Variants in CEP85L observed in about 807,000 individuals in gnomAD.
The protein encoded by CEP85L is centrosomal protein of 85 kDa-like.
In CEP85L, 60 loss-of-function variants were observed where a neutral mutation model predicts 100.3. The ratio of observed to expected loss-of-function variants is 0.60; its 90% CI spans 0.49 to 0.74. The LOEUF is 0.74. Among genes scored for constraint, CEP85L ranks in the 30% least tolerant of loss-of-function variants. CEP85L has a pLI of 0.00. For missense variants in CEP85L, 973 were observed against 936.2 expected, an observed-to-expected ratio of 1.04 and a Z score of -0.51; for synonymous variants, 319 against 322.7, an observed-to-expected ratio of 0.99 and a Z score of 0.12.
chr6:118,571,721 G>A (rs549796355), intron 2 of CEP85L, among the ~76,000 whole-genome samples: 1 of 152,094 alleles, frequency 6.6e-6, no homozygotes, highest in African/African-American at 2.4e-5. Flanking sequence ...AAAATAATCA[G>A]TAAACTATAT....
At chr6:118,634,657 A>T (rs1415571229) in intron 1 of CEP85L, among the ~76,000 whole-genome samples, 2 of 146,782 alleles carry the variant, frequency 1.4e-5, no homozygotes, top group African/African-American at 4.9e-5. Flanking sequence ...ACATTAAAGC[A>T]CCAGAAGAAG....
rs1562297733 is a variant in CEP85L, at chr6:118,600,300, G to GGGGTGT, written c.232+32152_232+32153insACACCC. 3.8e-4 allele frequency among the ~76,000 whole-genome samples: 20 copies of GGGGTGT among 52,234 alleles called. 1 individual carries two copies. Among genetic ancestry groups the GGGGTGT allele is most frequent in the Non-Finnish European group, 5.6e-4 (14 of 24,782 alleles). 34.3% of individuals were successfully genotyped at this position (52,234 alleles called of 152,430 possible). On this transcript the variant is annotated intron_variant, in intron 2 of 12. Transcript: ENST00000368491. ...CTGCCTGTCCCTGAGCCTTCCTGGG[G>GGGGTGT]GTGTGTGTGTGTGTGTGTGTGTGTG...
intron 1 of CEP85L, among the ~76,000 whole-genome samples, chr6:118,665,040 C>G (rs1333884040): frequency 2.0e-5 from 3 of 152,138 alleles, no homozygotes; most frequent in Non-Finnish European, 4.4e-5. Flanking sequence ...GAAACGTAGC[C>G]CTAGTACTCC....
chr6:118,501,288 C>G (rs537535740), intron 5 of CEP85L: 36 of 368,336 alleles, frequency 9.8e-5, no homozygotes, highest in African/African-American at 7.4e-4. Flanking sequence ...GGTGCCACTT[C>G]TGGTCCAGGC....
chr6:118,677,267 G>C (rs1391631775), intron 1 of CEP85L, among the ~76,000 whole-genome samples: 1 of 152,130 alleles, frequency 6.6e-6, no homozygotes, highest in African/African-American at 2.4e-5. Flanking sequence ...AGAAAGTAAG[G>C]CAAGAAAGCT....
chr6:118,597,014 G>C (rs1030895575), intron 2 of CEP85L, among the ~76,000 whole-genome samples: 1 of 151,938 alleles, frequency 6.6e-6, no homozygotes, highest in African/African-American at 2.4e-5. Flanking sequence ...TCATGATAGC[G>C]AGAGAGTTCT....
At chr6:118,703,454 C>A (rs1227691973) in intron 1 of CEP85L, among the ~76,000 whole-genome samples, 2 of 152,238 alleles carry the variant, frequency 1.3e-5, no homozygotes, top group African/African-American at 4.8e-5. Context: ...GAGCCTCCCA[C>A]CCAGCCTCCC....
Position 118,611,621 on chromosome 6 carries a change from C to T in CEP85L, c.232+20832G>A, listed in dbSNP as rs192818661. ...CTATGCCGTTACAAGTCATTTACCT[C>T]AAATAATAACATAGATAGGTTGTAT... On this transcript the variant is annotated intron_variant, in intron 2 of 12. Transcript: ENST00000368491. Among the ~76,000 whole-genome samples the T allele has an allele frequency of 5.3e-5, 8 of 152,206 alleles. No individual in the cohort carries two copies. The East Asian group carries it at 1.5e-3, about 29-fold the overall frequency.
intron 4 of CEP85L, 103 bp downstream of exon 4, chr6:118,523,699 A>G (rs1013875028): frequency 3.8e-6 from 2 of 523,940 alleles, no homozygotes; most frequent in Non-Finnish European, 6.6e-6. Context: ...TGAATCTGTA[A>G]GGTTCTAGAT....
intron 8 of CEP85L, among the ~76,000 whole-genome samples, chr6:118,481,342 G>A (rs1372545087): frequency 6.6e-6 from 1 of 151,476 alleles, no homozygotes; most frequent in African/African-American, 2.4e-5. Flanking sequence ...GAAACTTTTG[G>A]CAAGATATCA....
At chr6:118,487,393 G>A (rs1774261242) in intron 6 of CEP85L, among the ~76,000 whole-genome samples, 1 of 152,176 alleles carries the variant, frequency 6.6e-6, no homozygotes, top group Non-Finnish European at 1.5e-5. Flanking sequence ...CAGCAAGATG[G>A]CAGAAAAGCA....
At chr6:118,566,675 T>C (rs1454465359) in intron 2 of CEP85L, among the ~76,000 whole-genome samples, 2 of 152,228 alleles carry the variant, frequency 1.3e-5, no homozygotes, top group East Asian at 3.9e-4. Context: ...TGCCTCAGCC[T>C]CCCAAAGTGC....
At chr6:118,618,867 G>C (rs73528766) in intron 2 of CEP85L, among the ~76,000 whole-genome samples, 1,928 of 152,260 alleles carry the variant, frequency 0.013, 52 homozygotes, top group African/African-American at 0.044. Context: ...GCAAGCATCA[G>C]TGGTGCCCCC....
chr6:118,495,334 T>C (rs777020135), intron 5 of CEP85L, among the ~76,000 whole-genome samples: 3 of 152,040 alleles, frequency 2.0e-5, no homozygotes, highest in Non-Finnish European at 4.4e-5. Context: ...TCAACTTGAA[T>C]TGTAGTTCCA....
At chr6:118,508,515 T>C (rs147889843) in intron 5 of CEP85L, among the ~76,000 whole-genome samples, 157 of 152,186 alleles carry the variant, frequency 1.0e-3, no homozygotes, top group Middle Eastern at 3.4e-3. Context: ...AATCTACCAT[T>C]AGAACTATCC....
chr6:118,565,278 T>C (rs913743696), intron 3 of CEP85L: 1 of 490,856 alleles, frequency 2.0e-6, no homozygotes, highest in Non-Finnish European at 3.6e-6. Flanking sequence ...TTTATTTTTA[T>C]GCCCATTTAA....
chr6:118,493,520 T>A (rs1329417338), intron 5 of CEP85L, among the ~76,000 whole-genome samples: 1 of 152,176 alleles, frequency 6.6e-6, no homozygotes, highest in Non-Finnish European at 1.5e-5. Flanking sequence ...ATGGATGTTA[T>A]CATTTAAAGA....
intron 2 of CEP85L, among the ~76,000 whole-genome samples, chr6:118,588,154 C>A (rs756766183): frequency 3.3e-5 from 5 of 152,226 alleles, no homozygotes; most frequent in African/African-American, 4.8e-5. Flanking sequence ...ACAAAGGGAT[C>A]TATCATTTCT....
intron 3 of CEP85L, among the ~76,000 whole-genome samples, chr6:118,533,733 A>T (rs1224248019): frequency 1.3e-5 from 2 of 152,206 alleles, no homozygotes; most frequent in Non-Finnish European, 2.9e-5. Context: ...ATCCAGACAT[A>T]GAGCTATACA....
Sources: gnomAD v4.1 joint callset for allele counts (sites outside exome capture counted in the v4.1 genomes callset) on GRCh38, gnomAD v4.1.1 for gene constraint, MANE v1.5 for transcripts, NCBI Gene and HGNC (gene_info 2026-07-23, HGNC 2026-07-21) for gene names.